Variants in NOS3 observed in about 807,000 individuals in gnomAD.
The protein encoded by NOS3 is NOS type III.
A neutral mutation model predicts 144.9 loss-of-function variants in NOS3; 98 were observed. The observed-to-expected ratio is 0.68, with a 90% CI of 0.57 to 0.80. The LOEUF is 0.80. NOS3 is among the 30% of genes least tolerant of loss of function. The probability of loss-of-function intolerance (pLI) is 0.00; values close to 1 mark genes in which losing one functional copy is unlikely to be tolerated. For missense variants in NOS3, 1,465 were observed against 1,656.4 expected, an observed-to-expected ratio of 0.88 and a Z score of 2.01; for synonymous variants, 714 against 702.4, an observed-to-expected ratio of 1.02 and a Z score of -0.26.
Position 150,998,280 on chromosome 7 carries a change from C to A in NOS3, c.583-77C>A. ...ACCATGGCCCCTGCCTCCTCACCAG[C>A]AGCTCCTCTGGAGCTGATACTCAAG... On this transcript the variant is annotated intron_variant, in intron 5 of 26. Transcript: ENST00000297494. The surrounding 1 kb of genome is among the most constrained non-coding windows in gnomAD (Gnocchi z 5.0). 2 of 1,338,162 alleles carry A rather than the reference C, an allele frequency of 1.5e-6. No individual in the cohort carries two copies. Among genetic ancestry groups the A allele is most frequent in the African/African-American group, 1.4e-5 (1 of 69,852 alleles). The allele number at this position is 1,338,162 out of a possible 1,614,324, so 82.9% of individuals were successfully genotyped here. A position where few individuals can be genotyped will look rare whatever the true frequency, so the allele number is the denominator to read the frequency against.
Position 151,010,884 on chromosome 7 carries a change from C to A in NOS3, c.2897-15C>A, listed in dbSNP as rs1795290115. 3.1e-6 allele frequency: 5 copies of A among 1,611,982 alleles called. No homozygotes were observed. ...CCTCTCTGGCCCCTCACCGGCCTCT[C>A]CTTCCCACCCCCAGATGGGCTGGGC... On this transcript the variant is annotated splice_polypyrimidine_tract_variant and intron_variant, in intron 22 of 26. Coordinates refer to ENST00000297494, the MANE Select transcript of NOS3 (RefSeq NM_000603.5).
At chr7:151,005,321 A>C (rs1292135934) in intron 14 of NOS3, among the ~76,000 whole-genome samples, 1 of 152,222 alleles carries the variant, frequency 6.6e-6, no homozygotes, top group Non-Finnish European at 1.5e-5. Flanking sequence ...ACCAGCACCC[A>C]GAGGCATCTG....
intron 3 of NOS3, 71 bp downstream of exon 3, chr7:150,995,385 C>T (rs943054845): frequency 1.3e-5 from 13 of 999,882 alleles, no homozygotes; most frequent in South Asian, 5.8e-5. Flanking sequence ...CAGATGGGGC[C>T]GGAGAGGGAA....
chr7:151,009,761 G>A (rs573430092), intron 20 of NOS3, among the ~76,000 whole-genome samples, 176 bp downstream of exon 20: 53 of 152,258 alleles, frequency 3.5e-4, no homozygotes, highest in African/African-American at 1.3e-3. Flanking sequence ...CTTGTTGCTG[G>A]ACCATCCCCA....
chr7:151,010,003 A>ACC (rs1305027510), intron 20 of NOS3, 112 bp from the exon 21 acceptor site: 1 of 713,378 alleles, frequency 1.4e-6, no homozygotes. Context: ...AGACAGGCCG[A>ACC]CCCCGCTGCT....
intron 5 of NOS3, among the ~76,000 whole-genome samples, chr7:150,997,239 T>G (rs1413357970): frequency 1.3e-5 from 2 of 151,522 alleles, no homozygotes; most frequent in Non-Finnish European, 2.9e-5. Flanking sequence ...CTAGACCTGC[T>G]GCAGGGGTGA....
rs764059205 is a variant in NOS3, at chr7:151,013,214, C to A, written c.3107-17C>A. On this transcript the variant is annotated splice_polypyrimidine_tract_variant and intron_variant, in intron 24 of 26. Transcript: ENST00000297494. Reference sequence around the variant, plus strand: ...TGCCCCGGAGAAGAGCCTTCCCAAGCGCGGGGTTGCTTGCAGGGCTGCAGC... The same window carrying A: ...TGCCCCGGAGAAGAGCCTTCCCAAGAGCGGGGTTGCTTGCAGGGCTGCAGC... The A allele has an allele frequency of 9.3e-6, 15 of 1,606,802 alleles. No homozygotes were observed. Among genetic ancestry groups the A allele is most frequent in the Middle Eastern group, 1.7e-4 (1 of 6,028 alleles).
Position 151,013,260 on chromosome 7 carries a change from T to C in NOS3, c.3136T>C (p.Phe1046Leu). The C allele has an allele frequency of 6.2e-7, 1 of 1,613,886 alleles. No homozygotes were observed. The highest frequency in any genetic ancestry group is 8.5e-7 in the Non-Finnish European group (1 of 1,179,934). The change falls in exon 25 of 27, where the codon TTC becomes CTC. Residue 1046 changes from phenylalanine (F) to leucine (L), a missense_variant. Physicochemically the swap from Phe to Leu is conservative, Grantham distance 22. Around this residue, in one of 5 missense-constraint regions of NOS3, gnomAD observed 106 missense variants for 167.7 expected, o/e 0.63. Transcript: ENST00000297494. ...GCAGCCCACTCCCATGACTTTGGTG[T>C]TCGGCTGCCGATGCTCCCAACTTGA... ...GLQPTPMTLV[F>L]GCRCSQLDHL... is the part of the protein sequence containing the mutation.
Position 150,993,480 on chromosome 7 carries a change from C to A in NOS3, c.-51-273C>A, listed in dbSNP as rs1802298320. ...CCTTTATGACCCCCTGGTGGCTCTA[C>A]CCTGCCACTCCCCAATGCCCCAGCC... On this transcript the variant is annotated intron_variant, in intron 1 of 26. Transcript: ENST00000297494. This position sits in a 1 kb window ranked among gnomAD's most constrained non-coding sequence, Gnocchi z 4.0. Among the ~76,000 whole-genome samples the A allele has an allele frequency of 6.6e-6, 1 of 152,142 alleles. No homozygotes were observed. The highest frequency in any genetic ancestry group is 2.4e-5 in the African/African-American group (1 of 41,424).
At chr7:151,012,318 A>C (rs1159446195) in intron 23 of NOS3, 33 bp from the exon 24 acceptor site, 2 of 1,534,934 alleles carry the variant, frequency 1.3e-6, no homozygotes. Context: ...CAGGAAAGGC[A>C]AAGGGGACCT....
chr7:151,014,275 A>T lies in NOS3; in HGVS notation c.*106A>T. On this transcript the variant is annotated 3_prime_UTR_variant, in exon 27 of 27. Coordinates refer to ENST00000297494, the MANE Select transcript of NOS3 (RefSeq NM_000603.5). Reference sequence around the variant, plus strand: ...TCCCCTCTTGAGGTGGTGCCTTCTCACATCTGTCCAGAGGCTGCAAGGATT... The same window carrying T: ...TCCCCTCTTGAGGTGGTGCCTTCTCTCATCTGTCCAGAGGCTGCAAGGATT... The T allele has an allele frequency of 8.7e-7, 1 of 1,154,424 alleles. No individual in the cohort carries two copies. Among genetic ancestry groups the T allele is most frequent in the Non-Finnish European group, 1.2e-6 (1 of 831,004 alleles). 71.5% of individuals were successfully genotyped at this position (1,154,424 alleles called of 1,614,324 possible).
At position 151,007,089 on chromosome 7, in the gene NOS3, C is replaced by T; in HGVS notation, c.1938-13C>T. 1.2e-6 allele frequency: 2 copies of T among 1,614,106 alleles called. No individual in the cohort carries two copies. Among genetic ancestry groups the T allele is most frequent in the Non-Finnish European group, 1.7e-6 (2 of 1,180,034 alleles). ...CTGCAAAGGGAGCTCCACTGACGAC[C>T]CCTGCACCCCAGGTTCTGTGTGTTC... is the stretch of plus-strand genomic sequence containing the variant. On this transcript the variant is annotated splice_polypyrimidine_tract_variant and intron_variant, in intron 16 of 26. Coordinates refer to ENST00000297494, the MANE Select transcript of NOS3 (RefSeq NM_000603.5).
intron 24 of NOS3, 125 bp downstream of exon 24, chr7:151,012,597 G>T: frequency 8.1e-7 from 1 of 1,235,528 alleles, no homozygotes; most frequent in Admixed American, 2.4e-5. Context: ...CTGAAAAGAC[G>T]CTCATGAGAC....
rs1467181569 is a variant in NOS3 at position 151,001,560 on chromosome 7, G to T, written c.1445G>T (p.Gly482Val). Residue 482 changes from glycine (G) to valine (V), a missense_variant, in exon 12 of 27, where the codon GGG becomes GTG. Gly to Val is a moderately radical substitution (Grantham distance 109). Around this residue, in one of 5 missense-constraint regions of NOS3, gnomAD observed 745 missense variants for 853.9 expected, o/e 0.87. Transcript: ENST00000297494. ...TCTCTGCAGCCAGACCCCTGGAAGG[G>T]GAGTGCCGCCAAGGGCACCGGCATC... ...AFRYQPDPWKGSAAKGTGITR... is the reference protein window; with the variant it reads ...AFRYQPDPWKVSAAKGTGITR... 2 of 1,613,984 alleles carry T rather than the reference G, an allele frequency of 1.2e-6. No individual in the cohort carries two copies. Among genetic ancestry groups the T allele is most frequent in the Admixed American group, 3.3e-5 (2 of 60,026 alleles).
In NOS3 at chr7:151,003,659, T is replaced by C. The variant is rs1337029337; in HGVS notation, c.1752+1355T>C. On this transcript the variant is annotated intron_variant, in intron 14 of 26. Transcript: ENST00000297494. This position sits in a 1 kb window ranked among gnomAD's most constrained non-coding sequence, Gnocchi z 4.1. ...TCCTCACGTGAATCCCTTCCCAGTC[T>C]GTCTCCCTGCCAGAAGTGTCTGTCA... The C allele has an allele frequency of 6.8e-6, 5 of 736,404 alleles. No individual in the cohort carries two copies. Among genetic ancestry groups the C allele is most frequent in the Non-Finnish European group, 1.1e-5 (5 of 469,236 alleles). The allele number at this position is 736,404 out of a possible 1,614,324, so 45.6% of individuals were successfully genotyped here.
At chr7:151,012,626 C>T (rs1795331120) in intron 24 of NOS3, 154 bp downstream of exon 24, 1 of 883,550 alleles carries the variant, frequency 1.1e-6, no homozygotes, top group Non-Finnish European at 1.7e-6. Flanking sequence ...GGGCAGGTAC[C>T]AAAGGCAAGG....
chr7:151,009,189 G>A lies in NOS3; in HGVS notation c.2246G>A (p.Gly749Asp), dbSNP rs370699534. The A allele has an allele frequency of 1.9e-5, 30 of 1,613,718 alleles. No individual in the cohort carries two copies. Among genetic ancestry groups the A allele is most frequent in the Non-Finnish European group, 2.5e-5 (30 of 1,179,870 alleles). ...CTCATTTGCCCCTCCCCGCCCCCAG[G>A]TCTGATCCACGTGCACAGGCGGAAG... ...AQAEGLQLLP[G>D]LIHVHRRKMF... Residue 749 changes from glycine to aspartate, a missense_variant and splice_region_variant, in exon 19 of 27, where the codon GGT (glycine) becomes GAT (aspartate). Around this residue, in one of 5 missense-constraint regions of NOS3, gnomAD observed 745 missense variants for 853.9 expected, o/e 0.87. Coordinates refer to ENST00000297494, the MANE Select transcript of NOS3 (RefSeq NM_000603.5).
At position 151,007,221 on chromosome 7, in the gene NOS3, A is replaced by T; in HGVS notation, c.2057A>T (p.Asp686Val). The T allele has an allele frequency of 6.2e-7, 1 of 1,610,132 alleles. No homozygotes were observed. Among genetic ancestry groups the T allele is most frequent in the East Asian group, 2.2e-5 (1 of 44,882 alleles). ...GERLLQLGQG[D>V]ELCGQEEAFR... ...CGGCTGCTGCAGCTGGGCCAGGGCGACGAGCTGTGCGGCCAGGAGGAGGCC... is the reference window on the plus strand; with the variant it reads ...CGGCTGCTGCAGCTGGGCCAGGGCGTCGAGCTGTGCGGCCAGGAGGAGGCC... The change falls in exon 17 of 27, where the codon GAC becomes GTC. Residue 686 changes from aspartate (D) to valine (V), a missense_variant. Around this residue, in one of 5 missense-constraint regions of NOS3, gnomAD observed 745 missense variants for 853.9 expected, o/e 0.87. Coordinates refer to ENST00000297494, the MANE Select transcript of NOS3 (RefSeq NM_000603.5).
Position 150,998,218 on chromosome 7 carries a change from T to C in NOS3, c.583-139T>C. On this transcript the variant is annotated intron_variant, in intron 5 of 26. Transcript: ENST00000297494. This position sits in a 1 kb window ranked among gnomAD's most constrained non-coding sequence, Gnocchi z 5.0. ...AGAGAGCAGGGCAGGAAGGGATCAG[T>C]GTGGCTGCCAATGGTCAGGAGGGCG... is the stretch of plus-strand genomic sequence containing the variant. The C allele has an allele frequency of 2.9e-6, 2 of 689,654 alleles. No individual in the cohort carries two copies. The highest frequency in any genetic ancestry group is 1.8e-5 in the South Asian group (1 of 55,334). 42.7% of individuals were successfully genotyped at this position (689,654 alleles called of 1,614,324 possible).
Sources: allele counts gnomAD v4.1 joint callset (sites outside exome capture counted in the v4.1 genomes callset), GRCh38; gene constraint gnomAD v4.1.1; regional missense constraint gnomAD v4.1.1; non-coding constraint Gnocchi (gnomAD v3.1); transcripts MANE v1.5; gene names NCBI Gene and HGNC (gene_info 2026-07-23, HGNC 2026-07-21).